LRRC8C: variants seen among roughly 807,000 people sequenced by gnomAD.
LRRC8C encodes the protein volume-regulated anion channel subunit LRRC8C.
Under a neutral mutation model 55.3 loss-of-function variants are expected in LRRC8C, and 20 were observed. The observed-to-expected ratio is 0.36, with a 90% CI of 0.25 to 0.53. The LOEUF (loss-of-function observed/expected upper bound fraction) is 0.53, where lower values mean the gene tolerates loss of function less well. LRRC8C is among the 20% of genes least tolerant of loss of function. The probability of loss-of-function intolerance (pLI) is 0.92; values close to 1 mark genes in which losing one functional copy is unlikely to be tolerated. For synonymous variants in LRRC8C, 376 were observed against 360.7 expected, an observed-to-expected ratio of 1.04 and a Z score of -0.48; for missense variants, 659 against 951.4, an observed-to-expected ratio of 0.69 and a Z score of 4.04.
At chr1:89,633,913 G>A (rs573759373) in intron 1 of LRRC8C, among the ~76,000 whole-genome samples, 272 of 152,312 alleles carry the variant, frequency 1.8e-3, no homozygotes, top group Non-Finnish European at 3.0e-3. Flanking sequence ...CAGCGGTTGA[G>A]GCCAAAACCG....
chr1:89,641,513 A>G (rs1346445851), intron 1 of LRRC8C, among the ~76,000 whole-genome samples: 2 of 152,166 alleles, frequency 1.3e-5, no homozygotes, highest in Non-Finnish European at 2.9e-5. Context: ...GAGATTGTGA[A>G]TTCTACTTCA....
intron 2 of LRRC8C, among the ~76,000 whole-genome samples, chr1:89,698,052 T>C (rs933101522): frequency 6.6e-6 from 1 of 152,206 alleles, no homozygotes; most frequent in Non-Finnish European, 1.5e-5. Flanking sequence ...ATGATTCTAA[T>C]GTGGATATGA....
At chr1:89,630,790 G>T (rs185087917), upstream of LRRC8C, among the ~76,000 whole-genome samples, 8 of 152,326 alleles carry the variant, frequency 5.3e-5, no homozygotes, top group Admixed American at 3.3e-4. Context: ...CAGAGAGCTT[G>T]CTAAGTGTGG....
chr1:89,650,640 T>C (rs1456579112), intron 1 of LRRC8C, among the ~76,000 whole-genome samples: 1 of 152,232 alleles, frequency 6.6e-6, no homozygotes, highest in African/African-American at 2.4e-5. Flanking sequence ...TACACTTGCT[T>C]ATCCTAAATG....
At chr1:89,640,684 T>A (rs936502542) in intron 1 of LRRC8C, among the ~76,000 whole-genome samples, 2 of 152,332 alleles carry the variant, frequency 1.3e-5, no homozygotes, top group African/African-American at 4.8e-5. Flanking sequence ...TGTGGACAAC[T>A]GTGACCAGAA....
rs746809380 is a variant in LRRC8C at position 89,713,459 on chromosome 1, A to G, written c.889A>G (p.Ile297Val). Reference protein sequence around the residue: ...VQFTVDCNVDIQDMTGYKNFS... With the variant: ...VQFTVDCNVDVQDMTGYKNFS... Reference sequence around the variant, plus strand: ...GTTTACAGTGGACTGTAATGTGGACATTCAGGACATGACTGGATATAAAAA... The same window carrying G: ...GTTTACAGTGGACTGTAATGTGGACGTTCAGGACATGACTGGATATAAAAA... Residue 297 changes from isoleucine (I) to valine (V), a missense_variant, in exon 3 of 3, where the codon ATT becomes GTT. Coordinates refer to ENST00000370454, the MANE Select transcript of LRRC8C (RefSeq NM_032270.5). This position sits in a 1 kb window ranked among gnomAD's most constrained non-coding sequence, Gnocchi z 5.2. The G allele has an allele frequency of 1.1e-5, 18 of 1,614,074 alleles. No homozygotes were observed. The highest frequency in any genetic ancestry group is 1.5e-5 in the Non-Finnish European group (18 of 1,180,052).
chr1:89,658,887 AGC>A (rs1657023575), intron 1 of LRRC8C, among the ~76,000 whole-genome samples: 2 of 152,174 alleles, frequency 1.3e-5, no homozygotes, highest in Non-Finnish European at 2.9e-5. Flanking sequence ...AAAGATTTAT[AGC>A]CAAAGAATTA....
upstream of LRRC8C, among the ~76,000 whole-genome samples, chr1:89,628,669 G>T (rs1229992): frequency 0.58 from 87,573 of 152,098 alleles, 25,950 homozygotes; most frequent in East Asian, 0.74. Context: ...TGTCTGTTCA[G>T]ATTTCTTCTT....
upstream of LRRC8C, among the ~76,000 whole-genome samples, chr1:89,630,874 G>T (rs1011245696): frequency 6.6e-6 from 1 of 152,210 alleles, no homozygotes; most frequent in Non-Finnish European, 1.5e-5. Context: ...ATAAGAAGAG[G>T]TGAACTAACC....
At chr1:89,623,763 T>C in the LRRC8C span, among the ~76,000 whole-genome samples, 1 of 152,036 alleles carries the variant, frequency 6.6e-6, no homozygotes, top group South Asian at 2.1e-4. Flanking sequence ...AGAAAAGCAT[T>C]CATAGGAGAG....
chr1:89,625,847 C>G, the LRRC8C span, among the ~76,000 whole-genome samples: 5 of 152,148 alleles, frequency 3.3e-5, no homozygotes, highest in Middle Eastern at 6.8e-3. Context: ...AAATTTGAGG[C>G]AATTCAATGT....
At chr1:89,694,834 C>T (rs1434136960) in intron 2 of LRRC8C, among the ~76,000 whole-genome samples, 4 of 151,288 alleles carry the variant, frequency 2.6e-5, no homozygotes, top group Non-Finnish European at 5.9e-5. Context: ...GTGATCCACC[C>T]GCCTCAGCCT....
intron 1 of LRRC8C, among the ~76,000 whole-genome samples, chr1:89,646,614 T>C (rs1656622349): frequency 6.6e-6 from 1 of 152,120 alleles, no homozygotes; most frequent in South Asian, 2.1e-4. Flanking sequence ...ATCAATCTCA[T>C]ACACATTTTA....
At chr1:89,690,647 C>T (rs893057329) in intron 2 of LRRC8C, among the ~76,000 whole-genome samples, 2 of 152,156 alleles carry the variant, frequency 1.3e-5, no homozygotes, top group Admixed American at 6.5e-5. Flanking sequence ...CTATAATGAG[C>T]ATCATTTAGG....
chr1:89,665,425 A>G (rs898098906), intron 1 of LRRC8C, among the ~76,000 whole-genome samples: 1 of 152,138 alleles, frequency 6.6e-6, no homozygotes, highest in Non-Finnish European at 1.5e-5. Context: ...TATGTGATGG[A>G]TTATGTTTAT....
At position 89,713,901 on chromosome 1, in the gene LRRC8C, CA is replaced by C; in HGVS notation, c.1332del (p.Glu445SerfsTer5). On this transcript the variant is annotated frameshift_variant, in exon 3 of 3. Coordinates refer to ENST00000370454, the MANE Select transcript of LRRC8C (RefSeq NM_032270.5). LOFTEE classifies it high-confidence loss of function. This position sits in a 1 kb window ranked among gnomAD's most constrained non-coding sequence, Gnocchi z 5.2. Reference protein sequence around the residue: ...SGLPDTVFEITELQSLKLEII... With the variant: ...SGLPDTVFEIXELQSLKLEII... ...CTTCCAGACACTGTTTTTGAAATCA[CA>C]GAGTTGCAATCTCTAAAACTTGAAA... 1 of 1,614,110 alleles carries C rather than the reference CA, an allele frequency of 6.2e-7. No homozygotes were observed. The highest frequency in any genetic ancestry group is 8.5e-7 in the Non-Finnish European group (1 of 1,180,016).
At chr1:89,682,365 G>A (rs1657739680) in intron 1 of LRRC8C, among the ~76,000 whole-genome samples, 1 of 152,060 alleles carries the variant, frequency 6.6e-6, no homozygotes, top group African/African-American at 2.4e-5. Context: ...AAAAGCATGA[G>A]GTCTGTGAAG....
intron 1 of LRRC8C, among the ~76,000 whole-genome samples, chr1:89,681,711 A>G (rs1192520181): frequency 6.6e-6 from 1 of 152,166 alleles, no homozygotes. Flanking sequence ...ACCTGCCCCC[A>G]TGATTTAATT....
chr1:89,691,444 G>A (rs148389027), intron 2 of LRRC8C, among the ~76,000 whole-genome samples: 3 of 152,298 alleles, frequency 2.0e-5, no homozygotes, highest in East Asian at 1.9e-4. Flanking sequence ...GGCATTTTTC[G>A]GAGAGGGTGG....
Sources: gnomAD v4.1 joint callset for allele counts (sites outside exome capture counted in the v4.1 genomes callset) on GRCh38, gnomAD v4.1.1 for gene constraint, Gnocchi (gnomAD v3.1) non-coding constraint, MANE v1.5 for transcripts, NCBI Gene and HGNC (gene_info 2026-07-23, HGNC 2026-07-21) for gene names.